The following SGMS2 variants were observed in gnomAD, a reference collection of about 807,000 sequenced individuals.
The protein encoded by SGMS2 is sphingomyelin synthase 2.
SGMS2 carries 21 observed loss-of-function variants against 43.8 expected under a neutral mutation model. The ratio of observed to expected loss-of-function variants is 0.48; its 90% confidence interval spans 0.34 to 0.69. The LOEUF (loss-of-function observed/expected upper bound fraction) is 0.69, where lower values mean the gene tolerates loss of function less well. Among genes scored for constraint, SGMS2 ranks in the 30% least tolerant of loss-of-function variants. The pLI, the probability that SGMS2 is intolerant of heterozygous loss-of-function variation, is 0.01. For synonymous variants in SGMS2, 167 were observed against 160.6 expected (o/e 1.04, Z -0.30); for missense variants, 384 against 443.2 (o/e 0.87, Z 1.20).
chr4:107,860,677 A>G (rs1001734119), intron 2 of SGMS2, among the ~76,000 whole-genome samples: 1 of 151,884 alleles, frequency 6.6e-6, no homozygotes, highest in African/African-American at 2.4e-5. Flanking sequence ...GACACCCACC[A>G]TTGCGCCTGG....
intron 2 of SGMS2, among the ~76,000 whole-genome samples, chr4:107,885,861 G>C (rs940406762): frequency 1.3e-5 from 2 of 152,142 alleles, no homozygotes; most frequent in Non-Finnish European, 2.9e-5. Flanking sequence ...GGTTACTGAT[G>C]TAGCCACTAC....
chr4:107,891,002 C>G lies in SGMS2; in HGVS notation c.-244-4308C>G, dbSNP rs540398078. Among the ~76,000 whole-genome samples, 3 of 152,190 alleles carry G rather than the reference C, an allele frequency of 2.0e-5. No homozygotes were observed. The South Asian group carries it at 6.2e-4, about 32-fold the overall frequency. Reference sequence around the variant, plus strand: ...ATTGAAATGCAGTGTGAGGTGACTGCCTTTGCTTTCAGTTTGACCTGGCTA... The same window carrying G: ...ATTGAAATGCAGTGTGAGGTGACTGGCTTTGCTTTCAGTTTGACCTGGCTA... On this transcript the variant is annotated intron_variant, in intron 2 of 6. Coordinates refer to ENST00000690982, the MANE Select transcript of SGMS2 (RefSeq NM_001375905.1).
chr4:107,895,770 C>T lies in SGMS2; in HGVS notation c.217C>T (p.Pro73Ser). The T allele has an allele frequency of 3.7e-6, 6 of 1,613,940 alleles. No homozygotes were observed. Among genetic ancestry groups the T allele is most frequent in the Non-Finnish European group, 5.1e-6 (6 of 1,179,946 alleles). ...GCCCACTGAATCAAGGAACAAATTT[C>T]CACTAGAGTGGTGGAAAACGGGCAT... ...AMPTESRNKF[P>S]LEWWKTGIAF... The change falls in exon 3 of 7, where the codon CCA becomes TCA. Residue 73 changes from proline (P) to serine (S), a missense_variant. Transcript: ENST00000690982.
Position 107,825,145 on chromosome 4 carries a change from C to G in SGMS2, c.-435C>G, listed in dbSNP as rs1213448830. The G allele has an allele frequency of 6.5e-6, 1 of 152,684 alleles. No individual in the cohort carries two copies. The highest frequency in any genetic ancestry group is 1.9e-4 in the East Asian group (1 of 5,186). 9.5% of individuals were successfully genotyped at this position (152,684 alleles called of 1,614,324 possible). A position where few individuals can be genotyped will look rare whatever the true frequency, so the allele number is the denominator to read the frequency against. ...GGCTTCGGCCCGAGGGTGGTGACGC[C>G]CGGGGCTGGTCGCGGCGGCTGCGGC... On this transcript the variant is annotated 5_prime_UTR_variant, in exon 1 of 7. Coordinates refer to ENST00000690982, the MANE Select transcript of SGMS2 (RefSeq NM_001375905.1).
At chr4:107,828,204 C>G (rs1725702890) in intron 1 of SGMS2, among the ~76,000 whole-genome samples, 2 of 152,118 alleles carry the variant, frequency 1.3e-5, no homozygotes, top group Non-Finnish European at 2.9e-5. Context: ...TCTGCCCCCT[C>G]TTTATATTTT....
intron 2 of SGMS2, among the ~76,000 whole-genome samples, chr4:107,886,050 A>G (rs578077014): frequency 3.9e-5 from 6 of 152,318 alleles, no homozygotes; most frequent in Non-Finnish European, 8.8e-5. Context: ...ATACTATATA[A>G]TGTGAGTCAT....
chr4:107,869,518 A>C (rs563785097), intron 2 of SGMS2, among the ~76,000 whole-genome samples: 1 of 152,314 alleles, frequency 6.6e-6, no homozygotes, highest in East Asian at 1.9e-4. Context: ...CTTGTAAGCA[A>C]TGCTAAGAAA....
chr4:107,862,184 G>A (rs913748459), intron 2 of SGMS2, among the ~76,000 whole-genome samples: 2 of 152,308 alleles, frequency 1.3e-5, no homozygotes, highest in South Asian at 2.1e-4. Flanking sequence ...AGGAAAAGCC[G>A]TAACTGTCGG....
intron 2 of SGMS2, among the ~76,000 whole-genome samples, 167 bp from the exon 3 acceptor site, chr4:107,895,143 T>C (rs770684920): frequency 1.4e-4 from 21 of 152,264 alleles, no homozygotes; most frequent in Non-Finnish European, 2.6e-4. Context: ...AACTGTTCAG[T>C]ATTTTGTAAA....
At position 107,912,900 on chromosome 4, in the gene SGMS2, C is replaced by A. The variant is rs1732216199; in HGVS notation, c.*2347C>A. 1 of 151,810 alleles carries A rather than the reference C, an allele frequency of 6.6e-6. No homozygotes were observed. The highest frequency in any genetic ancestry group is 2.4e-5 in the African/African-American group (1 of 41,308). The allele number at this position is 151,810 out of a possible 1,614,324, so 9.4% of individuals were successfully genotyped here. A position where few individuals can be genotyped will look rare whatever the true frequency, so the allele number is the denominator to read the frequency against. On this transcript the variant is annotated 3_prime_UTR_variant, in exon 7 of 7. Coordinates refer to ENST00000690982, the MANE Select transcript of SGMS2 (RefSeq NM_001375905.1). Reference sequence around the variant, plus strand: ...AGCTCTGTCATCGAGTTGAGGAAGTCCATGGTTTGCAAATAAGGGTGGGGG... The same window carrying A: ...AGCTCTGTCATCGAGTTGAGGAAGTACATGGTTTGCAAATAAGGGTGGGGG...
At chr4:107,882,215 AC>A (rs1228623066) in intron 2 of SGMS2, among the ~76,000 whole-genome samples, 2 of 152,200 alleles carry the variant, frequency 1.3e-5, no homozygotes, top group African/African-American at 4.8e-5. Context: ...TTACTAACTA[AC>A]ATTCCCACCA....
rs574741439 is a variant in SGMS2 at position 107,831,696 on chromosome 4, C to G, written c.-327+6443C>G. ...ATGGTATATCCACATTCAAGTGTTA[C>G]ATCTTGGCTGTGCTAATAGGAGCTG... is the stretch of plus-strand genomic sequence containing the variant. On this transcript the variant is annotated intron_variant, in intron 1 of 6. Transcript: ENST00000690982. Among the ~76,000 whole-genome samples, 9 of 152,318 alleles carry G rather than the reference C, an allele frequency of 5.9e-5. No homozygotes were observed. In the South Asian group the frequency reaches 1.9e-3, roughly 32 times the overall value.
intron 1 of SGMS2, among the ~76,000 whole-genome samples, chr4:107,843,575 T>C (rs971242311): frequency 2.0e-5 from 3 of 152,014 alleles, no homozygotes; most frequent in Non-Finnish European, 4.4e-5. Context: ...AGGCCTGGAG[T>C]GCTCAGGTCA....
intron 1 of SGMS2, among the ~76,000 whole-genome samples, chr4:107,845,582 G>A (rs980269709): frequency 6.6e-6 from 1 of 152,224 alleles, no homozygotes; most frequent in Non-Finnish European, 1.5e-5. Context: ...AACCTGGCTT[G>A]TAGTGTGGTT....
chr4:107,849,869 G>T (rs1181836798), intron 1 of SGMS2, among the ~76,000 whole-genome samples: 1 of 152,096 alleles, frequency 6.6e-6, no homozygotes, highest in Non-Finnish European at 1.5e-5. Flanking sequence ...AATTTGAAAT[G>T]AAAAACAAAG....
chr4:107,841,954 T>TA (rs201333483), intron 1 of SGMS2, among the ~76,000 whole-genome samples: 17 of 151,768 alleles, frequency 1.1e-4, no homozygotes, highest in Non-Finnish European at 2.4e-4. Flanking sequence ...GCCTGACCTT[T>TA]AAAAAAATTT....
At chr4:107,889,228 G>A (rs1730006750) in intron 2 of SGMS2, among the ~76,000 whole-genome samples, 1 of 152,096 alleles carries the variant, frequency 6.6e-6, no homozygotes, top group Non-Finnish European at 1.5e-5. Context: ...CAATATCAAT[G>A]TCTTGTTTAT....
chr4:107,830,034 C>T (rs971497970), intron 1 of SGMS2, among the ~76,000 whole-genome samples: 3 of 152,222 alleles, frequency 2.0e-5, no homozygotes, highest in Admixed American at 6.5e-5. Flanking sequence ...TCCTCCCACC[C>T]TCTGCCCTCA....
intron 2 of SGMS2, among the ~76,000 whole-genome samples, chr4:107,871,842 T>C (rs1476185891): frequency 6.6e-6 from 1 of 152,226 alleles, no homozygotes; most frequent in African/African-American, 2.4e-5. Flanking sequence ...TTAACTTTTA[T>C]GTCTCCACAT....
Sources: allele counts gnomAD v4.1 joint callset (sites outside exome capture counted in the v4.1 genomes callset), GRCh38; gene constraint gnomAD v4.1.1; transcripts MANE v1.5; gene names NCBI Gene and HGNC (gene_info 2026-07-23, HGNC 2026-07-21).